Variants in BEND7 observed in about 807,000 individuals in gnomAD.
The protein encoded by BEND7 is BEN domain-containing protein 7.
Under a neutral mutation model 50.9 loss-of-function variants are expected in BEND7, and 28 were observed. The ratio of observed to expected loss-of-function variants is 0.55; its 90% CI spans 0.41 to 0.75. The LOEUF is 0.75. Ranked by LOEUF, BEND7 falls within the 30% of genes least tolerant of loss-of-function variation. The probability of loss-of-function intolerance (pLI) is 0.00; values close to 1 mark genes in which losing one functional copy is unlikely to be tolerated. For missense variants in BEND7, 477 were observed against 491.3 expected (o/e 0.97, Z 0.28); for synonymous variants, 170 against 183.9 (o/e 0.92, Z 0.61).
At chr10:13,460,382 A>G (rs1009987906) in intron 6 of BEND7, among the ~76,000 whole-genome samples, 5 of 152,206 alleles carry the variant, frequency 3.3e-5, no homozygotes, top group Admixed American at 2.6e-4. Context: ...TCTAGAAACC[A>G]AAGAGCCTTC....
At chr10:13,511,444 A>G (rs1298073447) in intron 2 of BEND7, 1 of 152,226 alleles carries the variant, frequency 6.6e-6, no homozygotes, top group African/African-American at 2.4e-5. Flanking sequence ...TCTTTGTGGT[A>G]TTCTCAAGCT....
At position 13,441,178 on chromosome 10, in the gene BEND7, T is replaced by C; in HGVS notation, c.*565A>G. 1.0e-6 allele frequency: 1 copy of C among 975,568 alleles called. No homozygotes were observed. Among genetic ancestry groups the C allele is most frequent in the Non-Finnish European group, 1.2e-6 (1 of 820,958 alleles). The allele number at this position is 975,568 out of a possible 1,614,324, so 60.4% of individuals were successfully genotyped here. A position where few individuals can be genotyped will look rare whatever the true frequency, so the allele number is the denominator to read the frequency against. On this transcript the variant is annotated 3_prime_UTR_variant, in exon 9 of 9. Coordinates refer to ENST00000466271, the MANE Select transcript of BEND7 (RefSeq NM_001369863.1). ...CACAACACAATGTTATACACCATTT[T>C]CACAACCAGGCTTGCATTGAATTCT...
chr10:13,514,238 A>G (rs2132521554), intron 2 of BEND7, among the ~76,000 whole-genome samples: 1 of 152,268 alleles, frequency 6.6e-6, no homozygotes, highest in East Asian at 1.9e-4. Context: ...ATAAATATCT[A>G]CAATAGGAAT....
downstream of BEND7, chr10:13,439,586 A>G: frequency 8.0e-7 from 1 of 1,250,154 alleles, no homozygotes; most frequent in Non-Finnish European, 1.1e-6. Context: ...TCCTTATCTT[A>G]GTGAGTGCAA....
intron 5 of BEND7, among the ~76,000 whole-genome samples, chr10:13,488,722 C>T (rs1047823763): frequency 3.9e-5 from 6 of 152,156 alleles, no homozygotes; most frequent in Non-Finnish European, 8.8e-5. Flanking sequence ...CTCCTGACCT[C>T]CTGATCCGCC....
intron 2 of BEND7, chr10:13,502,798 C>A: frequency 1.5e-6 from 1 of 651,304 alleles, no homozygotes; most frequent in Non-Finnish European, 1.9e-6. Flanking sequence ...GTGGCCGCCA[C>A]CCCTGACCCC....
intron 6 of BEND7, among the ~76,000 whole-genome samples, chr10:13,468,286 T>A (rs2074454970): frequency 6.6e-6 from 1 of 152,086 alleles, no homozygotes; most frequent in South Asian, 2.1e-4. Flanking sequence ...GTACAGGGGA[T>A]GAGACTTGGG....
At chr10:13,457,200 A>G (rs148859382) in intron 6 of BEND7, among the ~76,000 whole-genome samples, 1 of 152,350 alleles carries the variant, frequency 6.6e-6, no homozygotes, top group African/African-American at 2.4e-5. Context: ...CCAAATTAAC[A>G]AAGTGGATTT....
At chr10:13,519,128 G>C (rs1421486032) in intron 2 of BEND7, among the ~76,000 whole-genome samples, 1 of 151,422 alleles carries the variant, frequency 6.6e-6, no homozygotes, top group Non-Finnish European at 1.5e-5. Flanking sequence ...CACATGGTAA[G>C]TGCCAGAAAA....
intron 2 of BEND7, among the ~76,000 whole-genome samples, chr10:13,519,776 C>T (rs1217020893): frequency 6.6e-6 from 1 of 152,072 alleles, no homozygotes; most frequent in Non-Finnish European, 1.5e-5. Context: ...GCTTACAGGC[C>T]AAGGTAATAT....
At chr10:13,473,341 G>C (rs571014895) in intron 6 of BEND7, among the ~76,000 whole-genome samples, 1 of 149,584 alleles carries the variant, frequency 6.7e-6, no homozygotes, top group South Asian at 2.1e-4. Context: ...ATCCGTCATC[G>C]CTGTTAGACT....
chr10:13,524,043 T>C (rs1214111061), intron 2 of BEND7, among the ~76,000 whole-genome samples: 1 of 152,184 alleles, frequency 6.6e-6, no homozygotes, highest in Non-Finnish European at 1.5e-5. Context: ...CTTCCTCAAC[T>C]TGGACTAGGA....
intron 3 of BEND7, among the ~76,000 whole-genome samples, chr10:13,499,381 A>C (rs1382363380): frequency 2.0e-5 from 3 of 151,734 alleles, no homozygotes; most frequent in South Asian, 2.1e-4. Flanking sequence ...AAGGTGAAGG[A>C]GTAACCAAGA....
intron 7 of BEND7, among the ~76,000 whole-genome samples, chr10:13,451,206 A>G (rs1400149724): frequency 6.6e-6 from 1 of 150,378 alleles, no homozygotes. Flanking sequence ...TTTTTTTTTA[A>G]AGAAACAGGG....
downstream of BEND7, chr10:13,439,288 A>T (rs1835058867): frequency 6.2e-7 from 1 of 1,614,198 alleles, no homozygotes; most frequent in Admixed American, 1.7e-5. Flanking sequence ...ATGAGGAATG[A>T]ATGGTGCTTG....
chr10:13,439,791 G>A (rs1259180358), downstream of BEND7, among the ~76,000 whole-genome samples: 4 of 152,148 alleles, frequency 2.6e-5, no homozygotes, highest in Admixed American at 6.5e-5. Context: ...CAGGCGGATC[G>A]ACCTAAGATA....
intron 6 of BEND7, among the ~76,000 whole-genome samples, chr10:13,462,729 A>C (rs746856886): frequency 6.6e-6 from 1 of 152,226 alleles, no homozygotes; most frequent in Non-Finnish European, 1.5e-5. Flanking sequence ...GAGAATTCAA[A>C]GAATGAAGGA....
At chr10:13,482,651 C>G (rs1265665160) in intron 5 of BEND7, among the ~76,000 whole-genome samples, 1 of 152,172 alleles carries the variant, frequency 6.6e-6, no homozygotes. Context: ...ACTGGAATAT[C>G]CAGAAAGTCA....
intron 2 of BEND7, among the ~76,000 whole-genome samples, chr10:13,518,380 C>T (rs1483010626): frequency 2.0e-5 from 3 of 152,218 alleles, no homozygotes; most frequent in Non-Finnish European, 4.4e-5. Context: ...GGCCCAACTC[C>T]CTCAGAAACC....
Sources: gnomAD v4.1 joint callset for allele counts (sites outside exome capture counted in the v4.1 genomes callset) on GRCh38, gnomAD v4.1.1 for gene constraint, MANE v1.5 for transcripts, NCBI Gene and HGNC (gene_info 2026-07-23, HGNC 2026-07-21) for gene names.